Variants in SLC16A12 observed in about 807,000 individuals in gnomAD.
SLC16A12 encodes solute carrier family 16 member 12.
SLC16A12 carries 17 observed loss-of-function variants against 42.4 expected under a neutral mutation model. The observed-to-expected ratio is 0.40, with a 90% CI of 0.27 to 0.60. The LOEUF is 0.60. Among genes scored for constraint, SLC16A12 ranks in the 20% least tolerant of loss-of-function variants. The probability of loss-of-function intolerance (pLI) is 0.42; values close to 1 mark genes in which losing one functional copy is unlikely to be tolerated. For synonymous variants in SLC16A12, 224 were observed against 229.4 expected, an observed-to-expected ratio of 0.98 and a Z score of 0.21; for missense variants, 544 against 623.0, an observed-to-expected ratio of 0.87 and a Z score of 1.35.
intron 2 of SLC16A12, among the ~76,000 whole-genome samples, chr10:89,553,159 G>A (rs1051762041): frequency 7.2e-5 from 11 of 152,174 alleles, no homozygotes; most frequent in South Asian, 4.1e-4. Context: ...AGTAAAATCC[G>A]TATGCATATC....
At chr10:89,489,158 T>C (rs1842809827) in intron 2 of SLC16A12, among the ~76,000 whole-genome samples, 1 of 152,148 alleles carries the variant, frequency 6.6e-6, no homozygotes, top group Non-Finnish European at 1.5e-5. Context: ...TTCATAGACA[T>C]ATTAATGCTA....
chr10:89,498,941 A>C (rs1175337675), intron 2 of SLC16A12, among the ~76,000 whole-genome samples: 1 of 152,198 alleles, frequency 6.6e-6, no homozygotes, highest in Non-Finnish European at 1.5e-5. Context: ...AGAGTACTAC[A>C]TCAACGGAAC....
At chr10:89,509,108 C>T (rs535434690) in intron 2 of SLC16A12, among the ~76,000 whole-genome samples, 2 of 152,096 alleles carry the variant, frequency 1.3e-5, no homozygotes, top group South Asian at 2.1e-4. Flanking sequence ...AATTAATAGC[C>T]TACCAACCAA....
intron 2 of SLC16A12, among the ~76,000 whole-genome samples, chr10:89,523,101 T>A (rs1185708096): frequency 2.6e-5 from 4 of 152,236 alleles, no homozygotes; most frequent in African/African-American, 9.6e-5. Context: ...TTTTCTGTAT[T>A]TTGAACCTAG....
chr10:89,499,555 G>A (rs1196037429), intron 2 of SLC16A12, among the ~76,000 whole-genome samples: 1 of 152,118 alleles, frequency 6.6e-6, no homozygotes, highest in East Asian at 1.9e-4. Context: ...ATGATCATCA[G>A]GTCAAAATGA....
intron 5 of SLC16A12, among the ~76,000 whole-genome samples, chr10:89,440,194 A>G (rs940337863): frequency 7.9e-5 from 12 of 151,976 alleles, no homozygotes; most frequent in African/African-American, 2.9e-4. Flanking sequence ...GAAAAAGAGA[A>G]CCACCTTCAG....
intron 2 of SLC16A12, among the ~76,000 whole-genome samples, chr10:89,463,802 G>C (rs900797378): frequency 2.0e-5 from 3 of 152,120 alleles, no homozygotes; most frequent in African/African-American, 7.2e-5. Flanking sequence ...ACATGTGTCA[G>C]GCACCGTTTT....
intron 2 of SLC16A12, among the ~76,000 whole-genome samples, chr10:89,491,450 A>C (rs555943693): frequency 6.6e-6 from 1 of 152,320 alleles, no homozygotes; most frequent in African/African-American, 2.4e-5. Flanking sequence ...TGCGCATACC[A>C]AGTAAGATTG....
At chr10:89,529,876 A>G (rs1843515749) in intron 2 of SLC16A12, among the ~76,000 whole-genome samples, 1 of 152,142 alleles carries the variant, frequency 6.6e-6, no homozygotes, top group Non-Finnish European at 1.5e-5. Flanking sequence ...GACTAATGCT[A>G]TATCTATAAG....
At chr10:89,447,033 G>A (rs1842015476) in intron 3 of SLC16A12, among the ~76,000 whole-genome samples, 1 of 152,162 alleles carries the variant, frequency 6.6e-6, no homozygotes, top group African/African-American at 2.4e-5. Flanking sequence ...TAATGGTAAA[G>A]GGATCGATTC....
At chr10:89,507,195 C>G (rs1158834022) in intron 2 of SLC16A12, among the ~76,000 whole-genome samples, 5 of 152,010 alleles carry the variant, frequency 3.3e-5, no homozygotes, top group Non-Finnish European at 2.9e-5. Context: ...CAAGGCAGGC[C>G]AACATTCAAA....
intron 2 of SLC16A12, among the ~76,000 whole-genome samples, chr10:89,499,370 C>G (rs1842964313): frequency 6.6e-6 from 1 of 152,112 alleles, no homozygotes; most frequent in Non-Finnish European, 1.5e-5. Context: ...GCCTGACCAA[C>G]ATGGAGAACG....
At position 89,438,971 on chromosome 10, in the gene SLC16A12, C is replaced by G. The variant is rs768067089; in HGVS notation, c.661G>C (p.Gly221Arg). Residue 221 changes from glycine to arginine, a missense_variant, in exon 6 of 8, where the codon GGT (glycine) becomes CGT (arginine). Physicochemically the swap from Gly to Arg is moderately radical, Grantham distance 125. Transcript: ENST00000371790. ...AGAGTAATTGGCCTCATCAAGGCAC[C>G]ACATACACAGAGATTCAAGACAAAG... ...GGFVLNLCVCGALMRPITLKE... is the reference protein window; with the variant it reads ...GGFVLNLCVCRALMRPITLKE... The G allele has an allele frequency of 6.2e-7, 1 of 1,614,088 alleles. No homozygotes were observed. Among genetic ancestry groups the G allele is most frequent in the Non-Finnish European group, 8.5e-7 (1 of 1,180,016 alleles).
intron 2 of SLC16A12, among the ~76,000 whole-genome samples, chr10:89,510,369 A>G (rs938174586): frequency 6.6e-6 from 1 of 152,230 alleles, no homozygotes; most frequent in African/African-American, 2.4e-5. Context: ...ACAGCATGGT[A>G]CTGGTACCAA....
chr10:89,456,404 G>A (rs1233195564), intron 3 of SLC16A12, among the ~76,000 whole-genome samples: 2 of 152,172 alleles, frequency 1.3e-5, no homozygotes, highest in African/African-American at 4.8e-5. Context: ...CTCAGACCTG[G>A]AGGGGGACAG....
At position 89,479,889 on chromosome 10, in the gene SLC16A12, T is replaced by C. The variant is rs147683534; in HGVS notation, c.-46-17265A>G. 3.3e-3 allele frequency among the ~76,000 whole-genome samples: 506 copies of C among 152,294 alleles called. 1 individual carries two copies. The highest frequency in any genetic ancestry group is 0.011 in the African/African-American group (471 of 41,564). ...TTATATCAAGTAGAACTTCATAAAC[T>C]GCAAAAGAAGCTCTATCACCATTCT... On this transcript the variant is annotated intron_variant, in intron 2 of 7. Transcript: ENST00000371790.
intron 3 of SLC16A12, among the ~76,000 whole-genome samples, 185 bp downstream of exon 3, chr10:89,462,194 A>AT (rs1477588990): frequency 6.6e-6 from 1 of 152,204 alleles, no homozygotes; most frequent in African/African-American, 2.4e-5. Context: ...TCTGGGACTC[A>AT]TAAGTGTCAG....
chr10:89,477,853 GC>G (rs1354939102), intron 2 of SLC16A12, among the ~76,000 whole-genome samples: 1 of 151,726 alleles, frequency 6.6e-6, no homozygotes, highest in Admixed American at 6.6e-5. Context: ...TCTGAGACCG[GC>G]CCCTGCCCTG....
intron 2 of SLC16A12, among the ~76,000 whole-genome samples, chr10:89,527,654 T>A (rs892367041): frequency 1.1e-4 from 14 of 131,674 alleles, no homozygotes; most frequent in African/African-American, 1.3e-4. Context: ...AAAAAAAAAA[T>A]TATTTATCTG....
Sources: gnomAD v4.1 joint callset for allele counts (sites outside exome capture counted in the v4.1 genomes callset) on GRCh38, gnomAD v4.1.1 for gene constraint, MANE v1.5 for transcripts, NCBI Gene and HGNC (gene_info 2026-07-23, HGNC 2026-07-21) for gene names.